Variants in SLC29A4 observed in about 807,000 individuals in gnomAD.
The protein encoded by SLC29A4 is equilibrative nucleoside transporter 4.
A neutral mutation model predicts 43.9 loss-of-function variants in SLC29A4; 36 were observed. That is an observed-to-expected ratio of 0.82 (90% CI 0.63 to 1.08). The LOEUF (loss-of-function observed/expected upper bound fraction) is 1.08, where lower values mean the gene tolerates loss of function less well. Ranked by LOEUF, SLC29A4 falls within the 50% of genes least tolerant of loss-of-function variation. The pLI, the probability that SLC29A4 is intolerant of heterozygous loss-of-function variation, is 0.00. For synonymous variants in SLC29A4, 491 were observed against 338.0 expected (o/e 1.45, Z -4.97); for missense variants, 869 against 755.3 (o/e 1.15, Z -1.77).
At chr7:5,292,895 C>T (rs1317633987) in intron 5 of SLC29A4, among the ~76,000 whole-genome samples, 1 of 151,424 alleles carries the variant, frequency 6.6e-6, no homozygotes, top group Non-Finnish European at 1.5e-5. Flanking sequence ...GACGGGGTTT[C>T]ACCATGTTCC....
intron 2 of SLC29A4, among the ~76,000 whole-genome samples, chr7:5,288,567 C>T (rs1176819047): frequency 1.3e-5 from 2 of 151,972 alleles, no homozygotes; most frequent in Admixed American, 1.3e-4. Context: ...GCTAGGATTA[C>T]AGGCTTGAGC....
intron 6 of SLC29A4, among the ~76,000 whole-genome samples, chr7:5,296,144 C>T (rs1785640317): frequency 6.6e-6 from 1 of 152,154 alleles, no homozygotes; most frequent in African/African-American, 2.4e-5. Context: ...GGCTGCACTC[C>T]CGGCCCTGTC....
At chr7:5,298,177 G>A (rs555422821) in intron 7 of SLC29A4, among the ~76,000 whole-genome samples, 129 of 152,290 alleles carry the variant, frequency 8.5e-4, no homozygotes, top group Middle Eastern at 6.8e-3. Flanking sequence ...ACGCTGAAGT[G>A]AGCCAGAAAC....
At chr7:5,287,438 A>G (rs887136157) in intron 1 of SLC29A4, among the ~76,000 whole-genome samples, 1 of 151,970 alleles carries the variant, frequency 6.6e-6, no homozygotes, top group Admixed American at 6.6e-5. Context: ...AAAAAGAAAA[A>G]AAAGACATAC....
In SLC29A4 at chr7:5,302,933, C is replaced by T. The variant is rs756415916; in HGVS notation, c.1587C>T (p.Gly529=). The change falls in exon 11 of 11, where the codon GGC becomes GGT. Residue 529 remains glycine (G), a synonymous_variant. Coordinates refer to ENST00000396872, the MANE Select transcript of SLC29A4 (RefSeq NM_153247.4). The part of the protein sequence containing the change: ...ASTANGSILA[G]L ...CCGCCAATGGTTCCATCCTCGCAGG[C>T]CTCTGAGCCAGCCCCGCCCACTGCC... 2.5e-6 allele frequency: 4 copies of T among 1,606,322 alleles called. No homozygotes were observed. Among genetic ancestry groups the T allele is most frequent in the South Asian group, 1.1e-5 (1 of 89,638 alleles).
At chr7:5,288,584 G>A (rs73332828) in intron 2 of SLC29A4, among the ~76,000 whole-genome samples, 3,588 of 152,072 alleles carry the variant, frequency 0.024, 153 homozygotes, top group African/African-American at 0.082. Context: ...GAGCCACCGC[G>A]CCCGTCCGCT....
chr7:5,294,349 C>G (rs1464397748), intron 5 of SLC29A4, among the ~76,000 whole-genome samples: 1 of 152,152 alleles, frequency 6.6e-6, no homozygotes, highest in South Asian at 2.1e-4. Flanking sequence ...TCCCTAGATC[C>G]TGATGGATTT....
intron 5 of SLC29A4, among the ~76,000 whole-genome samples, chr7:5,293,965 G>GTTTTTTT (rs1785477038): frequency 6.6e-6 from 1 of 152,094 alleles, no homozygotes; most frequent in Non-Finnish European, 1.5e-5. Context: ...AATTAGCCGG[G>GTTTTTTT]TGTGGTGGTG....
chr7:5,287,821 G>C lies in SLC29A4; in HGVS notation c.5G>C (p.Gly2Ala). 2 of 1,611,014 alleles carry C rather than the reference G, an allele frequency of 1.2e-6. No individual in the cohort carries two copies. Among genetic ancestry groups the C allele is most frequent in the Non-Finnish European group, 1.7e-6 (2 of 1,179,658 alleles). The change falls in exon 2 of 11, where the codon GGC becomes GCC. Residue 2 changes from glycine to alanine, a missense_variant. Gly to Ala is a moderately conservative substitution (Grantham distance 60). Transcript: ENST00000396872. MGSVGSQRLEEP... is the reference protein window; with the variant it reads MASVGSQRLEEP... ...TTCTCCAAAGCAGAGGCTGCCATGG[G>C]CTCCGTGGGGAGCCAGCGCCTTGAG...
chr7:5,284,897 TGGCCA>T (rs2128085726), intron 1 of SLC29A4, among the ~76,000 whole-genome samples: 1 of 152,320 alleles, frequency 6.6e-6, no homozygotes, highest in African/African-American at 2.4e-5. Flanking sequence ...CTCGGCTTTC[TGGCCA>T]GGAGTGTTCA....
intron 5 of SLC29A4, 62 bp from the exon 6 acceptor site, chr7:5,294,798 T>C: frequency 2.6e-6 from 4 of 1,558,944 alleles, no homozygotes; most frequent in Non-Finnish European, 3.5e-6. Flanking sequence ...CTCTAGTGCA[T>C]TTCTCCCAAG....
Position 5,302,824 on chromosome 7 carries a change from C to G in SLC29A4, c.1478C>G (p.Ser493Ter). 1 of 1,570,118 alleles carries G rather than the reference C, an allele frequency of 6.4e-7. No individual in the cohort carries two copies. The highest frequency in any genetic ancestry group is 8.6e-7 in the Non-Finnish European group (1 of 1,157,830). The change falls in exon 11 of 11, where the codon TCA (serine) becomes TGA (stop). Residue 493 changes from serine to a stop codon, truncating the protein, a stop_gained. Coordinates refer to ENST00000396872, the MANE Select transcript of SLC29A4 (RefSeq NM_153247.4). LOFTEE classifies it high-confidence loss of function. ...AACACCATGACCGTGTCCTACATGT[C>G]AGGGCTGACGCTGGGGTCCGCCGTG... The part of the protein sequence containing the change: ...AGNTMTVSYM[S>*]GLTLGSAVAY...
intron 2 of SLC29A4, among the ~76,000 whole-genome samples, chr7:5,290,328 G>A (rs1372422713): frequency 6.6e-6 from 1 of 152,210 alleles, no homozygotes; most frequent in Non-Finnish European, 1.5e-5. Flanking sequence ...CTCCCAAAGT[G>A]CTGGGATTAC....
intron 10 of SLC29A4, 36 bp from the exon 11 acceptor site, chr7:5,302,761 C>G (rs1250839469): frequency 6.5e-7 from 1 of 1,535,860 alleles, no homozygotes; most frequent in Non-Finnish European, 8.8e-7. Context: ...GGTGGCCGCC[C>G]TGGCCCTGCT....
In SLC29A4 at chr7:5,306,191, CTTTTTTTTTTTTTTTT is replaced by C. The variant is rs748971391; in HGVS notation, c.*3262_*3277del. 1.4e-5 allele frequency: 1 copy of C among 71,106 alleles called. No homozygotes were observed. The highest frequency in any genetic ancestry group is 6.3e-5 in the African/African-American group (1 of 15,992). The allele number at this position is 71,106 out of a possible 1,614,324, so 4.4% of individuals were successfully genotyped here. ...TTTCTCATGTAAATTTGTTCAATTT[CTTTTTTTTTTTTTTTT>C]TTTTTTTTTGAGACAATCTCTGTCA... On this transcript the variant is annotated 3_prime_UTR_variant, in exon 11 of 11. Transcript: ENST00000396872.
chr7:5,297,542 C>A (rs936103505), intron 7 of SLC29A4, among the ~76,000 whole-genome samples: 1 of 152,206 alleles, frequency 6.6e-6, no homozygotes, highest in African/African-American at 2.4e-5. Flanking sequence ...TGGGACAGCC[C>A]ACGTTCATTC....
chr7:5,291,248 C>T lies in SLC29A4; in HGVS notation c.415+11C>T, dbSNP rs756289585. 6.2e-7 allele frequency: 1 copy of T among 1,608,382 alleles called. No homozygotes were observed. The highest frequency in any genetic ancestry group is 1.3e-5 in the African/African-American group (1 of 74,798). ...CCAGGATCACCGCAGGTGCGCTGGG[C>T]CCCGCCACGGGACACCTGCCTGTCA... On this transcript the variant is annotated intron_variant, in intron 4 of 10. Transcript: ENST00000396872.
intron 2 of SLC29A4, 72 bp from the exon 3 acceptor site, chr7:5,290,660 G>C (rs1785244589): frequency 3.9e-6 from 6 of 1,541,602 alleles, no homozygotes; most frequent in Middle Eastern, 1.7e-4. Flanking sequence ...CGGGGTGGTG[G>C]ACATCGCCCT....
At chr7:5,299,907 A>G (rs1301892427) in intron 9 of SLC29A4, among the ~76,000 whole-genome samples, 2 of 152,140 alleles carry the variant, frequency 1.3e-5, no homozygotes, top group Non-Finnish European at 2.9e-5. Context: ...CAAAAATTAA[A>G]TGGACGTGGT....
Sources: gnomAD v4.1 joint callset for allele counts (sites outside exome capture counted in the v4.1 genomes callset) on GRCh38, gnomAD v4.1.1 for gene constraint, MANE v1.5 for transcripts, NCBI Gene and HGNC (gene_info 2026-07-23, HGNC 2026-07-21) for gene names.